ITGA2B: variants seen among roughly 807,000 people sequenced by gnomAD.
The protein encoded by ITGA2B is integrin alpha-IIb.
A neutral mutation model predicts 142.0 loss-of-function variants in ITGA2B; 91 were observed. That is an observed-to-expected ratio of 0.64 (90% CI 0.54 to 0.76). ITGA2B has a LOEUF of 0.76. Among genes scored for constraint, ITGA2B ranks in the 30% least tolerant of loss-of-function variants. The probability of loss-of-function intolerance (pLI) is 0.00; values close to 1 mark genes in which losing one functional copy is unlikely to be tolerated. For missense variants in ITGA2B, 1,231 were observed against 1,350.8 expected (o/e 0.91, Z 1.39); for synonymous variants, 536 against 567.2 (o/e 0.94, Z 0.78).
At position 44,384,526 on chromosome 17, in the gene ITGA2B, T is replaced by C. The variant is rs1439549694; in HGVS notation, c.847+12A>G. ...TGGGCTACCCAACTCCCGCCCTAAG[T>C]GGATTTCTTGCCTGTAGTGTTGAGA... On this transcript the variant is annotated intron_variant, in intron 8 of 29. Transcript: ENST00000262407. 6.2e-7 allele frequency: 1 copy of C among 1,613,928 alleles called. No homozygotes were observed. The highest frequency in any genetic ancestry group is 1.1e-5 in the South Asian group (1 of 91,082).
At chr17:44,375,808 G>A (rs777423248) in intron 25 of ITGA2B, 25 bp downstream of exon 25, 7 of 1,563,164 alleles carry the variant, frequency 4.5e-6, no homozygotes, top group Non-Finnish European at 6.1e-6. Flanking sequence ...CGCCTTCCCA[G>A]GTCTTTCTTC....
rs370531765 is a variant in ITGA2B, at chr17:44,384,915, C to A, written c.799+33G>T. ...ACCGTCTGCGGTGGGCGGTGACCCT[C>A]GGGGTGCTGGAAGTCTGGAATGGCG... On this transcript the variant is annotated intron_variant, in intron 7 of 29. Coordinates refer to ENST00000262407, the MANE Select transcript of ITGA2B (RefSeq NM_000419.5). 74 of 1,613,436 alleles carry A rather than the reference C, an allele frequency of 4.6e-5. No individual in the cohort carries two copies. In the African/African-American group the frequency reaches 8.4e-4, roughly 18 times the overall value.
chr17:44,385,298 G>A lies in ITGA2B; in HGVS notation c.612C>T (p.Ser204=), dbSNP rs1303924969. ...GCTCCCTACTCGCCTGAGTGACCAC[G>A]GAGCTGAAGCCCGCTTCACAGTAAC... ...DKRYCEAGFS[S]VVTQAGELVL... The change falls in exon 5 of 30, where the codon TCC becomes TCT. Residue 204 remains serine (S), a synonymous_variant. Transcript: ENST00000262407. 1.9e-6 allele frequency: 3 copies of A among 1,612,998 alleles called. No homozygotes were observed. In the African/African-American group the frequency reaches 4.0e-5, roughly 22 times the overall value.
chr17:44,384,603 A>G lies in ITGA2B; in HGVS notation c.800-18T>C. 1 of 1,613,878 alleles carries G rather than the reference A, an allele frequency of 6.2e-7. No individual in the cohort carries two copies. The highest frequency in any genetic ancestry group is 8.5e-7 in the Non-Finnish European group (1 of 1,179,962). On this transcript the variant is annotated intron_variant, in intron 7 of 29. Transcript: ENST00000262407. ...CGAGTACCCTGAGGACAAGGGCGCA[A>G]ATTAGTCTTTTCCAGGGGAGGAAGC...
Position 44,372,315 on chromosome 17 carries a change from TG to T in ITGA2B, c.*48del. On this transcript the variant is annotated 3_prime_UTR_variant, in exon 30 of 30. Transcript: ENST00000262407. ...AGGCAACTTGTTGGAGAAGGGGCGG[TG>T]CAGGTAGCACGCCCAACCCTCCTGC... is the stretch of plus-strand genomic sequence containing the variant. 6.3e-7 allele frequency: 1 copy of T among 1,580,040 alleles called. No individual in the cohort carries two copies. Among genetic ancestry groups the T allele is most frequent in the East Asian group, 2.2e-5 (1 of 44,700 alleles).
At position 44,376,393 on chromosome 17, in the gene ITGA2B, A is replaced by AG. The variant is rs781635466; in HGVS notation, c.2268-6dup. 2.8e-5 allele frequency: 45 copies of AG among 1,613,822 alleles called. No homozygotes were observed. The highest frequency in any genetic ancestry group is 3.7e-5 in the Non-Finnish European group (44 of 1,179,936). ...TTTGGATTCTGGCTGTTCTTGCTAG[A>AG]GGGGAGGGGATGAGGAGAAACAGGG... On this transcript the variant is annotated splice_region_variant and splice_polypyrimidine_tract_variant and intron_variant, in intron 22 of 29. Transcript: ENST00000262407.
At chr17:44,382,420 G>T (rs2048605127) in intron 12 of ITGA2B, among the ~76,000 whole-genome samples, 1 of 150,736 alleles carries the variant, frequency 6.6e-6, no homozygotes. Flanking sequence ...ATTGCATTCT[G>T]GCTTCTGACC....
chr17:44,380,679 A>G, intron 13 of ITGA2B, 34 bp from the exon 14 acceptor site: 1 of 1,614,068 alleles, frequency 6.2e-7, no homozygotes, highest in South Asian at 1.1e-5. Flanking sequence ...AGAATTGGCG[A>G]TTAGGGCATG....
At position 44,384,443 on chromosome 17, in the gene ITGA2B, G is replaced by A; in HGVS notation, c.848-89C>T. On this transcript the variant is annotated intron_variant, in intron 8 of 29. Transcript: ENST00000262407. ...CCGTTCTGCACCCAGGGAAAAATGT[G>A]TGTGCAGGAAGATTTCCCTACATAG... 4 of 1,606,928 alleles carry A rather than the reference G, an allele frequency of 2.5e-6. No individual in the cohort carries two copies. In the South Asian group the frequency reaches 4.4e-5, roughly 18 times the overall value.
At chr17:44,384,414 C>G (rs891872123) in intron 8 of ITGA2B, 60 bp from the exon 9 acceptor site, 80 of 1,608,370 alleles carry the variant, frequency 5.0e-5, no homozygotes, top group Non-Finnish European at 6.5e-5. Flanking sequence ...CCACTTCCCG[C>G]TCCCCGTTCT....
In ITGA2B at chr17:44,379,796, C is replaced by T; in HGVS notation, c.1771G>A (p.Asp591Asn). ...CTGAGCACAATGGGGCTCAGCTTGTCCCGGAAGTCTGCCTCATCCTAGGAC... is the reference window on the plus strand; with the variant it reads ...CTGAGCACAATGGGGCTCAGCTTGTTCCGGAAGTCTGCCTCATCCTAGGAC... ...AFLRDEADFR[D>N]KLSPIVLSLN... The change falls in exon 18 of 30, where the codon GAC becomes AAC. Residue 591 changes from aspartate (D) to asparagine (N), a missense_variant. Physicochemically the swap from Asp to Asn is conservative, Grantham distance 23. Around this residue, in one of 3 missense-constraint regions of ITGA2B, gnomAD observed 908 missense variants for 1,021.1 expected, o/e 0.89. Transcript: ENST00000262407. 6.2e-7 allele frequency: 1 copy of T among 1,613,868 alleles called. No homozygotes were observed. Among genetic ancestry groups the T allele is most frequent in the Non-Finnish European group, 8.5e-7 (1 of 1,179,994 alleles).
At position 44,377,125 on chromosome 17, in the gene ITGA2B, G is replaced by A. The variant is rs540802765; in HGVS notation, c.2188-37C>T. 6.6e-5 allele frequency: 98 copies of A among 1,491,766 alleles called. No homozygotes were observed. In the Middle Eastern group the frequency reaches 1.0e-3, roughly 16 times the overall value. 92.4% of individuals were successfully genotyped at this position (1,491,766 alleles called of 1,614,324 possible). ...GGAGGGCCAAGGTCACTGCCCAAGT[G>A]CCCCACTTAGGACAGCCCTGCCCTG... On this transcript the variant is annotated intron_variant, in intron 21 of 29. Coordinates refer to ENST00000262407, the MANE Select transcript of ITGA2B (RefSeq NM_000419.5).
chr17:44,385,620 C>G lies in ITGA2B; in HGVS notation c.505G>C (p.Gly169Arg). 1 of 1,612,774 alleles carries G rather than the reference C, an allele frequency of 6.2e-7. No individual in the cohort carries two copies. The highest frequency in any genetic ancestry group is 8.5e-7 in the Non-Finnish European group (1 of 1,179,860). ...CAGGGGGAGTACTCGGCGCGGCGGCCGCTCTCTGGCTGAGCCAAAAAGCAG... is the reference window on the plus strand; with the variant it reads ...CAGGGGGAGTACTCGGCGCGGCGGCGGCTCTCTGGCTGAGCCAAAAAGCAG... ...GSCFLAQPES[G>R]RRAEYSPCRG... The change falls in exon 4 of 30, where the codon GGC becomes CGC. Residue 169 changes from glycine to arginine, a missense_variant. Physicochemically the swap from Gly to Arg is moderately radical, Grantham distance 125. Coordinates refer to ENST00000262407, the MANE Select transcript of ITGA2B (RefSeq NM_000419.5).
chr17:44,385,234 G>A, intron 5 of ITGA2B, 25 bp from the exon 6 acceptor site: 1 of 1,613,998 alleles, frequency 6.2e-7, no homozygotes, highest in South Asian at 1.1e-5. Context: ...CTGAGGGTGA[G>A]AGGGGGCCCT....
intron 7 of ITGA2B, 137 bp downstream of exon 7, chr17:44,384,811 G>T: frequency 7.0e-7 from 1 of 1,432,314 alleles, no homozygotes; most frequent in Non-Finnish European, 9.8e-7. Flanking sequence ...GAAGCCGCAG[G>T]AGCGGAGGGC....
intron 1 of ITGA2B, 120 bp downstream of exon 1, chr17:44,389,166 T>A (rs1465944351): frequency 9.0e-7 from 1 of 1,110,936 alleles, no homozygotes; most frequent in Non-Finnish European, 1.4e-6. Context: ...TCAACCTGAA[T>A]AGGCCCCACA....
chr17:44,380,429 C>T lies in ITGA2B; in HGVS notation c.1501G>A (p.Val501Met), dbSNP rs375026275. The T allele has an allele frequency of 1.9e-6, 3 of 1,614,074 alleles. No homozygotes were observed. Among genetic ancestry groups the T allele is most frequent in the Non-Finnish European group, 2.5e-6 (3 of 1,180,048 alleles). ...LLVQDSLNPA[V>M]KSCVLPQTKT... The stretch of plus-strand genomic sequence containing the variant: ...GTCTGAGGTAGGACACAGCTCTTCA[C>T]AGCAGGATTCAGTGAATCTTGCACC... The change falls in exon 15 of 30, where the codon GTG becomes ATG. Residue 501 changes from valine to methionine, a missense_variant. Val to Met is a conservative substitution (Grantham distance 21). This residue lies in a region of ITGA2B where 908 missense variants were observed against 1,021.1 expected (regional missense o/e 0.89). Transcript: ENST00000262407.
chr17:44,372,830 G>C (rs973160240), intron 29 of ITGA2B, among the ~76,000 whole-genome samples: 1 of 151,648 alleles, frequency 6.6e-6, no homozygotes, highest in African/African-American at 2.4e-5. Context: ...CCTGTTGGCC[G>C]GGCTGGTCTC....
Position 44,385,166 on chromosome 17 carries a change from A to G in ITGA2B, c.668T>C (p.Leu223Ser). ...VLGAPGGYYFLGLLAQAPVAD... is the reference protein window; with the variant it reads ...VLGAPGGYYFSGLLAQAPVAD... ...GAGGTGTACGGATGGGCACGTACCTAAGAAATAATAGCCGCCAGGAGCCCC... is the reference window on the plus strand; with the variant it reads ...GAGGTGTACGGATGGGCACGTACCTGAGAAATAATAGCCGCCAGGAGCCCC... Residue 223 changes from leucine to serine, a missense_variant and splice_region_variant, in exon 6 of 30, where the codon TTA (leucine) becomes TCA (serine). Coordinates refer to ENST00000262407, the MANE Select transcript of ITGA2B (RefSeq NM_000419.5). 2 of 1,614,020 alleles carry G rather than the reference A, an allele frequency of 1.2e-6. No individual in the cohort carries two copies. Among genetic ancestry groups the G allele is most frequent in the East Asian group, 4.5e-5 (2 of 44,874 alleles).
Sources: gnomAD v4.1 joint callset for allele counts (sites outside exome capture counted in the v4.1 genomes callset) on GRCh38, gnomAD v4.1.1 for gene constraint, gnomAD v4.1.1 regional missense constraint, MANE v1.5 for transcripts, NCBI Gene and HGNC (gene_info 2026-07-23, HGNC 2026-07-21) for gene names.